Variants in HECW2 observed in about 807,000 individuals in gnomAD.
HECW2 encodes HECT, C2 and WW domain containing E3 ubiquitin protein ligase 2, also known as E3 ubiquitin-protein ligase HECW2.
Under a neutral mutation model 175.2 loss-of-function variants are expected in HECW2, and 61 were observed. That is an observed-to-expected ratio of 0.35 (90% confidence interval 0.28 to 0.43). The LOEUF (loss-of-function observed/expected upper bound fraction) is 0.43, where lower values mean the gene tolerates loss of function less well. Among genes scored for constraint, HECW2 ranks in the 20% least tolerant of loss-of-function variants. HECW2 has a pLI of 1.00. For synonymous variants in HECW2, 671 were observed against 731.0 expected, an observed-to-expected ratio of 0.92 and a Z score of 1.32; for missense variants, 1,524 against 2,000.5, an observed-to-expected ratio of 0.76 and a Z score of 4.54.
chr2:196,466,804 C>T (rs1221734844), intron 1 of HECW2, among the ~76,000 whole-genome samples: 1 of 152,234 alleles, frequency 6.6e-6, no homozygotes, highest in Non-Finnish European at 1.5e-5. Context: ...TTGGGCCAGT[C>T]TGGCAATACC....
chr2:196,281,084 C>T (rs1690165767), intron 14 of HECW2, among the ~76,000 whole-genome samples: 1 of 152,128 alleles, frequency 6.6e-6, no homozygotes, highest in Non-Finnish European at 1.5e-5. Flanking sequence ...TGGGTGTCTA[C>T]ATGTAGGTCA....
intron 9 of HECW2, among the ~76,000 whole-genome samples, chr2:196,318,079 T>C (rs1049072757): frequency 5.9e-5 from 9 of 152,242 alleles, no homozygotes; most frequent in Non-Finnish European, 1.0e-4. Context: ...TCATAACCTT[T>C]GCAGATTACA....
chr2:196,307,986 T>C lies in HECW2; in HGVS notation c.2534A>G (p.Gln845Arg), dbSNP rs141053965. ...TATGGAGTTAGATCTCTGCAGCACCTGCGGGGCTGGGGGAGCTGTCGGTCG... is the reference window on the plus strand; with the variant it reads ...TATGGAGTTAGATCTCTGCAGCACCCGCGGGGCTGGGGGAGCTGTCGGTCG... Reference protein sequence around the residue: ...WQRPTAPPAPQVLQRSNSIQQ... With the variant: ...WQRPTAPPAPRVLQRSNSIQQ... Residue 845 changes from glutamine (Q) to arginine (R), a missense_variant, in exon 11 of 29, where the codon CAG becomes CGG. Physicochemically the swap from Gln to Arg is conservative, Grantham distance 43 (BLOSUM62 1). Transcript: ENST00000644978. 17 of 1,604,390 alleles carry C rather than the reference T, an allele frequency of 1.1e-5. No homozygotes were observed. Among genetic ancestry groups the C allele is most frequent in the Non-Finnish European group, 1.4e-5 (17 of 1,172,908 alleles).
intron 2 of HECW2, among the ~76,000 whole-genome samples, chr2:196,411,724 G>A (rs1695116009): frequency 1.3e-5 from 2 of 152,206 alleles, no homozygotes; most frequent in African/African-American, 4.8e-5. Flanking sequence ...AAAATTACAT[G>A]GGAAGCCTGG....
intron 1 of HECW2, among the ~76,000 whole-genome samples, chr2:196,459,809 T>C (rs972648709): frequency 4.6e-5 from 7 of 152,172 alleles, no homozygotes; most frequent in African/African-American, 1.7e-4. Flanking sequence ...ATCCTCTGCT[T>C]CATCTTTTGA....
intron 19 of HECW2, among the ~76,000 whole-genome samples, chr2:196,245,457 CTT>C (rs1301017325): frequency 6.6e-6 from 1 of 152,140 alleles, no homozygotes; most frequent in Non-Finnish European, 1.5e-5. Flanking sequence ...GCATGTGAAA[CTT>C]TATACATATT....
intron 17 of HECW2, among the ~76,000 whole-genome samples, chr2:196,268,523 C>T (rs1317379150): frequency 2.0e-5 from 3 of 152,192 alleles, no homozygotes; most frequent in Non-Finnish European, 4.4e-5. Context: ...GCTTTTCCCT[C>T]TGTTAGGATC....
chr2:196,416,632 C>T (rs764431702), intron 2 of HECW2, among the ~76,000 whole-genome samples: 7 of 152,098 alleles, frequency 4.6e-5, no homozygotes, highest in Non-Finnish European at 1.0e-4. Flanking sequence ...AGGAGACTGC[C>T]AAAGGGGACA....
At chr2:196,434,376 A>T (rs1695808540) in intron 1 of HECW2, among the ~76,000 whole-genome samples, 1 of 152,166 alleles carries the variant, frequency 6.6e-6, no homozygotes. Context: ...CATCTGGATC[A>T]TGATAAGCTA....
At chr2:196,551,131 C>A (rs1689590842) in intron 1 of HECW2, among the ~76,000 whole-genome samples, 1 of 152,160 alleles carries the variant, frequency 6.6e-6, no homozygotes. Context: ...TCCAAATGTT[C>A]CTCTCATCTC....
At chr2:196,560,484 G>T (rs529818035) in intron 1 of HECW2, among the ~76,000 whole-genome samples, 2 of 151,920 alleles carry the variant, frequency 1.3e-5, no homozygotes, top group South Asian at 4.2e-4. Context: ...TCATATGCCC[G>T]CACTCCCTGT....
At chr2:196,290,224 T>C (rs1189605025) in intron 14 of HECW2, 1 of 152,092 alleles carries the variant, frequency 6.6e-6, no homozygotes, top group Non-Finnish European at 1.5e-5. Context: ...CCCCAGAAAA[T>C]AGGATGTTTT....
Position 196,402,118 on chromosome 2 carries a change from A to G in HECW2, c.292+31014T>C, listed in dbSNP as rs539490886. On this transcript the variant is annotated intron_variant, in intron 2 of 28. Transcript: ENST00000644978. Reference sequence around the variant, plus strand: ...CGGGAGGCTGAGGCAGGAGAATGGCATGAATCTGGGAGGCGGAGCTTGCAG... The same window carrying G: ...CGGGAGGCTGAGGCAGGAGAATGGCGTGAATCTGGGAGGCGGAGCTTGCAG... Among the ~76,000 whole-genome samples the G allele has an allele frequency of 1.3e-3, 184 of 140,610 alleles. 4 individuals are homozygous for G. The South Asian group carries it at 0.018, about 14-fold the overall frequency. 92.2% of individuals were successfully genotyped at this position (140,610 alleles called of 152,430 possible). A position where few individuals can be genotyped will look rare whatever the true frequency, so the allele number is the denominator to read the frequency against.
At chr2:196,416,330 A>G (rs1033682799) in intron 2 of HECW2, among the ~76,000 whole-genome samples, 8 of 152,222 alleles carry the variant, frequency 5.3e-5, no homozygotes, top group Admixed American at 5.2e-4. Flanking sequence ...TGCACTAAAA[A>G]GGAAACATAA....
At chr2:196,318,268 T>G (rs1691777542) in intron 9 of HECW2, among the ~76,000 whole-genome samples, 1 of 152,224 alleles carries the variant, frequency 6.6e-6, no homozygotes, top group Non-Finnish European at 1.5e-5. Flanking sequence ...CAAACCATGC[T>G]GCCTTCTTCC....
chr2:196,282,318 T>C (rs975134861), intron 14 of HECW2, among the ~76,000 whole-genome samples: 15 of 152,204 alleles, frequency 9.9e-5, no homozygotes, highest in Non-Finnish European at 1.8e-4. Flanking sequence ...GTAGCCATAC[T>C]GAACCATGGT....
In HECW2 at chr2:196,382,227, G is replaced by GTA. The variant is rs1491305904; in HGVS notation, c.293-38464_293-38463insTA. Among the ~76,000 whole-genome samples, 1,024 of 134,336 alleles carry GTA rather than the reference G, an allele frequency of 7.6e-3. 12 individuals are homozygous for GTA. Among genetic ancestry groups the GTA allele is most frequent in the African/African-American group, 0.032 (977 of 30,900 alleles). The allele number at this position is 134,336 out of a possible 152,430, so 88.1% of individuals were successfully genotyped here. On this transcript the variant is annotated intron_variant, in intron 2 of 28. Transcript: ENST00000644978. The stretch of plus-strand genomic sequence containing the variant: ...ATATACATATAGTATGTGTGTGTGT[G>GTA]TGTATATATATATATATATACATGT...
chr2:196,306,392 C>T, intron 13 of HECW2, 96 bp downstream of exon 13: 2 of 1,251,828 alleles, frequency 1.6e-6, no homozygotes, highest in Non-Finnish European at 2.2e-6. Context: ...GCTCTGGAAA[C>T]ATTCGCCATT....
intron 17 of HECW2, among the ~76,000 whole-genome samples, chr2:196,268,360 A>C (rs910460702): frequency 1.3e-5 from 2 of 152,218 alleles, no homozygotes; most frequent in Non-Finnish European, 2.9e-5. Flanking sequence ...TACCATGTGA[A>C]TCCTATGTTA....
Sources: allele counts gnomAD v4.1 joint callset (sites outside exome capture counted in the v4.1 genomes callset), GRCh38; gene constraint gnomAD v4.1.1; transcripts MANE v1.5; gene names NCBI Gene and HGNC (gene_info 2026-07-23, HGNC 2026-07-21).